Variants in DOK7 observed in about 807,000 individuals in gnomAD.
DOK7 encodes the protein docking protein 7.
Under a neutral mutation model 30.7 loss-of-function variants are expected in DOK7, and 32 were observed. The observed-to-expected ratio is 1.04, with a 90% confidence interval of 0.79 to 1.40. The LOEUF (loss-of-function observed/expected upper bound fraction) is 1.40, where lower values mean the gene tolerates loss of function less well. Among genes scored for constraint, DOK7 ranks in the 40% most tolerant of loss-of-function variants. The pLI is 0.00. For missense variants in DOK7, 1,007 were observed against 699.2 expected (o/e 1.44, Z -4.97); for synonymous variants, 447 against 324.1 (o/e 1.38, Z -4.07).
intron 6 of DOK7, among the ~76,000 whole-genome samples, chr4:3,490,487 T>G (rs1376627134): frequency 7.8e-6 from 1 of 128,908 alleles, no homozygotes; most frequent in African/African-American, 3.0e-5. Flanking sequence ...TGCTCATTCA[T>G]TCCTTCCTTT....
In DOK7 at chr4:3,494,331, C is replaced by G. The variant is rs2252054; in HGVS notation, c.*830C>G. On this transcript the variant is annotated 3_prime_UTR_variant, in exon 7 of 7. Coordinates refer to ENST00000340083, the MANE Select transcript of DOK7 (RefSeq NM_173660.5). ...GGGCTGTGTTGGGCCCATTGTCCCC[C>G]GCCCTGGGTGGCTTCCTCTTGCACA... The G allele has an allele frequency of 1.0e-5, 10 of 985,602 alleles. No individual in the cohort carries two copies. Among genetic ancestry groups the G allele is most frequent in the Middle Eastern group, 5.2e-4 (1 of 1,936 alleles). 61.1% of individuals were successfully genotyped at this position (985,602 alleles called of 1,614,324 possible). A position where few individuals can be genotyped will look rare whatever the true frequency, so the allele number is the denominator to read the frequency against.
At chr4:3,485,255 G>T (rs1318888324) in intron 4 of DOK7, 1 of 365,906 alleles carries the variant, frequency 2.7e-6, no homozygotes, top group African/African-American at 2.1e-5. Context: ...GGGCGGGGCA[G>T]CACTCACCCC....
chr4:3,482,862 C>G (rs1357344521), intron 4 of DOK7, among the ~76,000 whole-genome samples: 1 of 151,926 alleles, frequency 6.6e-6, no homozygotes, highest in Non-Finnish European at 1.5e-5. Flanking sequence ...GGCTTGTGCT[C>G]CCTGCCGGCA....
downstream of DOK7, among the ~76,000 whole-genome samples, chr4:3,498,357 G>A (rs1003059690): frequency 3.3e-5 from 5 of 152,036 alleles, no homozygotes; most frequent in Admixed American, 6.5e-5. Context: ...GTGTGACTCC[G>A]GGTGGTGTTG....
At chr4:3,486,958 G>A (rs1357433144) in intron 5 of DOK7, among the ~76,000 whole-genome samples, 1 of 152,138 alleles carries the variant, frequency 6.6e-6, no homozygotes, top group Non-Finnish European at 1.5e-5. Flanking sequence ...AGCAGTACTG[G>A]GCAGAGGATG....
intron 5 of DOK7, among the ~76,000 whole-genome samples, chr4:3,486,497 C>T (rs1208651468): frequency 6.6e-6 from 1 of 152,194 alleles, no homozygotes; most frequent in East Asian, 1.9e-4. Context: ...AGGGCAGAGG[C>T]GAGCAGCATG....
Position 3,473,393 on chromosome 4 carries a change from AC to A in DOK7, c.101-12del. ...GTGTTGGCTGGCGTCCCTGACGGCC[AC>A]GCTCCTTGCAGACTGCCTGCTGATG... On this transcript the variant is annotated splice_polypyrimidine_tract_variant and intron_variant, in intron 2 of 6. Coordinates refer to ENST00000340083, the MANE Select transcript of DOK7 (RefSeq NM_173660.5). The A allele has an allele frequency of 1.9e-6, 3 of 1,610,420 alleles. No individual in the cohort carries two copies. The highest frequency in any genetic ancestry group is 2.5e-6 in the Non-Finnish European group (3 of 1,179,678).
At chr4:3,475,912 A>AAGAT (rs944249859) in intron 3 of DOK7, among the ~76,000 whole-genome samples, 1 of 152,042 alleles carries the variant, frequency 6.6e-6, no homozygotes, top group Non-Finnish European at 1.5e-5. Flanking sequence ...CCCCTGAACA[A>AAGAT]AGATAGTTCC....
chr4:3,476,733 A>T (rs1448642809), intron 4 of DOK7, among the ~76,000 whole-genome samples, 191 bp downstream of exon 4: 1 of 152,034 alleles, frequency 6.6e-6, no homozygotes, highest in African/African-American at 2.4e-5. Context: ...CTCAGTGTGG[A>T]GTGTCGAGGA....
At position 3,493,035 on chromosome 4, in the gene DOK7, G is replaced by C; in HGVS notation, c.1049G>C (p.Ser350Thr). 6.4e-7 allele frequency: 1 copy of C among 1,571,494 alleles called. No individual in the cohort carries two copies. ...ACTGGCAGCCACTCCTCTTACTCCA[G>C]CAGCCTCTCGTCCTACGCGGGCAGC... ...IATGSHSSYS[S>T]SLSSYAGSSL... Residue 350 changes from serine (S) to threonine (T), a missense_variant, in exon 7 of 7, where the codon AGC (serine) becomes ACC (threonine). Physicochemically the swap from Ser to Thr is moderately conservative, Grantham distance 58 (BLOSUM62 1). Coordinates refer to ENST00000340083, the MANE Select transcript of DOK7 (RefSeq NM_173660.5).
intron 2 of DOK7, 64 bp from the exon 3 acceptor site, chr4:3,473,342 G>T (rs373952849): frequency 2.6e-6 from 4 of 1,545,938 alleles, no homozygotes; most frequent in Non-Finnish European, 3.5e-6. Context: ...CGGCCTCCCC[G>T]GGGACGCCAA....
At chr4:3,486,600 T>C (rs1190472736) in intron 5 of DOK7, among the ~76,000 whole-genome samples, 2 of 151,974 alleles carry the variant, frequency 1.3e-5, no homozygotes, top group African/African-American at 4.8e-5. Flanking sequence ...GCCCTGGGAG[T>C]GGGGAGGTGG....
chr4:3,471,663 A>G (rs1726775752), intron 2 of DOK7, among the ~76,000 whole-genome samples: 1 of 152,222 alleles, frequency 6.6e-6, no homozygotes, highest in Non-Finnish European at 1.5e-5. Flanking sequence ...TTTGAGGGAC[A>G]TTGCTGTTAC....
At chr4:3,491,000 CCTTCTTCT>C in intron 6 of DOK7, among the ~76,000 whole-genome samples, 1 of 94,048 alleles carries the variant, frequency 1.1e-5, no homozygotes. Flanking sequence ...TTCATTCCTT[CCTTCTTCT>C]TCCTGCTCAT....
intron 2 of DOK7, among the ~76,000 whole-genome samples, chr4:3,469,776 C>T (rs1726647522): frequency 6.6e-6 from 1 of 152,242 alleles, no homozygotes; most frequent in African/African-American, 2.4e-5. Flanking sequence ...GCTTTGCCCC[C>T]TGGCACTCCC....
downstream of DOK7, among the ~76,000 whole-genome samples, chr4:3,495,152 C>T (rs1728834624): frequency 6.6e-6 from 1 of 152,214 alleles, no homozygotes; most frequent in Non-Finnish European, 1.5e-5. Flanking sequence ...GATGACAGAC[C>T]CCGCCTCACT....
At chr4:3,467,716 A>G (rs10937927) in intron 2 of DOK7, among the ~76,000 whole-genome samples, 72,722 of 151,844 alleles carry the variant, frequency 0.48, 17,796 homozygotes, top group African/African-American at 0.55. Context: ...CTCTTAGCGA[A>G]TGCCACAGCC....
intron 2 of DOK7, among the ~76,000 whole-genome samples, chr4:3,466,709 A>C (rs13103813): frequency 0.62 from 93,556 of 152,072 alleles, 30,198 homozygotes; most frequent in African/African-American, 0.81. Flanking sequence ...GGGACGGCTC[A>C]TTCCCCGCCT....
chr4:3,492,903 C>A lies in DOK7; in HGVS notation c.917C>A (p.Ala306Asp). Reference sequence around the variant, plus strand: ...GGGCCTAGACCAGCAGCTGCCCAGGCCGCCGGGGAAGCCATGGTGGGTGCC... The same window carrying A: ...GGGCCTAGACCAGCAGCTGCCCAGGACGCCGGGGAAGCCATGGTGGGTGCC... ...QEGPRPAAAQ[A>D]AGEAMVGASR... Residue 306 changes from alanine (A) to aspartate (D), a missense_variant, in exon 7 of 7, where the codon GCC (alanine) becomes GAC (aspartate). Ala to Asp is a moderately radical substitution (Grantham distance 126). Transcript: ENST00000340083. 1 of 1,579,996 alleles carries A rather than the reference C, an allele frequency of 6.3e-7. No individual in the cohort carries two copies. The highest frequency in any genetic ancestry group is 1.8e-5 in the Admixed American group (1 of 55,296).
Sources: allele counts gnomAD v4.1 joint callset (sites outside exome capture counted in the v4.1 genomes callset), GRCh38; gene constraint gnomAD v4.1.1; transcripts MANE v1.5; gene names NCBI Gene and HGNC (gene_info 2026-07-23, HGNC 2026-07-21).